Variants in SNRPA1 observed in about 807,000 individuals in gnomAD.
SNRPA1 encodes the protein U2 small nuclear ribonucleoprotein A'.
A neutral mutation model predicts 32.3 loss-of-function variants in SNRPA1; 5 were observed. That is an observed-to-expected ratio of 0.15 (90% confidence interval 0.08 to 0.33). The LOEUF (loss-of-function observed/expected upper bound fraction) is 0.33. Ranked by LOEUF, SNRPA1 falls within the 10% of genes least tolerant of loss-of-function variation. The pLI, the probability that SNRPA1 is intolerant of heterozygous loss-of-function variation, is 1.00. For synonymous variants in SNRPA1, 111 were observed against 120.1 expected, an observed-to-expected ratio of 0.92 and a Z score of 0.50; for missense variants, 198 against 311.1, an observed-to-expected ratio of 0.64 and a Z score of 2.74.
chr15:101,285,638 G>T, intron 7 of SNRPA1, 88 bp downstream of exon 7: 1 of 872,834 alleles, frequency 1.1e-6, no homozygotes, highest in Non-Finnish European at 1.9e-6. Flanking sequence ...AATGAAATCT[G>T]CAATGTTCGG....
intron 3 of SNRPA1, chr15:101,289,813 C>T (rs1402598288): frequency 6.6e-6 from 1 of 151,378 alleles, no homozygotes; most frequent in Non-Finnish European, 1.5e-5. Flanking sequence ...ATGGCGCCCA[C>T]CTGTAATCCC....
intron 3 of SNRPA1, 50 bp downstream of exon 3, chr15:101,291,912 A>C: frequency 8.6e-7 from 1 of 1,162,548 alleles, no homozygotes; most frequent in South Asian, 1.3e-5. Context: ...GGAAGCACAT[A>C]GTACCTTTAA....
intron 3 of SNRPA1, among the ~76,000 whole-genome samples, chr15:101,291,702 T>C (rs1458397906): frequency 6.6e-6 from 1 of 152,142 alleles, no homozygotes; most frequent in Non-Finnish European, 1.5e-5. Context: ...AGGGCTACAA[T>C]AAAGAAGAAG....
intron 1 of SNRPA1, among the ~76,000 whole-genome samples, chr15:101,293,705 TTAAA>T (rs2039553921): frequency 6.6e-6 from 1 of 152,204 alleles, no homozygotes; most frequent in Non-Finnish European, 1.5e-5. Context: ...GATCAATGGT[TTAAA>T]TACAGTAATA....
chr15:101,287,050 G>T, intron 4 of SNRPA1, 40 bp from the exon 5 acceptor site: 1 of 1,077,540 alleles, frequency 9.3e-7, no homozygotes. Context: ...ACTTGTTCAT[G>T]GCACAGCACT....
At position 101,295,229 on chromosome 15, in the gene SNRPA1, A is replaced by C. The variant is rs1281949921; in HGVS notation, c.-51T>G. On this transcript the variant is annotated 5_prime_UTR_variant, in exon 1 of 9. Transcript: ENST00000254193. ...TGTGGAAAGCCCGTGGCCTCCCGCC[A>C]GCGAGACGTCCCAGCGTGCCCCGCG... 1 of 1,444,026 alleles carries C rather than the reference A, an allele frequency of 6.9e-7. No homozygotes were observed. Among genetic ancestry groups the C allele is most frequent in the Admixed American group, 2.4e-5 (1 of 41,532 alleles). 89.5% of individuals were successfully genotyped at this position (1,444,026 alleles called of 1,614,324 possible).
chr15:101,292,608 G>C (rs1158880718), intron 2 of SNRPA1, among the ~76,000 whole-genome samples: 1 of 148,888 alleles, frequency 6.7e-6, no homozygotes, highest in African/African-American at 2.5e-5. Flanking sequence ...AAAAAAAGCA[G>C]AGACGCTCAG....
intron 1 of SNRPA1, among the ~76,000 whole-genome samples, chr15:101,293,788 A>G (rs1441503391): frequency 6.6e-6 from 1 of 152,256 alleles, no homozygotes; most frequent in African/African-American, 2.4e-5. Flanking sequence ...ACTATAAGAA[A>G]AGAAATATTC....
At chr15:101,289,981 C>A (rs897896202) in intron 3 of SNRPA1, 2 of 133,302 alleles carry the variant, frequency 1.5e-5, no homozygotes, top group East Asian at 2.2e-4. Flanking sequence ...ATCTAAACTA[C>A]AAGAGGTACA....
chr15:101,282,773 C>G (rs1205952902), intron 8 of SNRPA1, among the ~76,000 whole-genome samples: 1 of 152,178 alleles, frequency 6.6e-6, no homozygotes, highest in African/African-American at 2.4e-5. Context: ...CTATTGAGTT[C>G]CCCAGAAAAG....
Position 101,293,064 on chromosome 15 carries a change from C to T in SNRPA1, c.191G>A (p.Arg64Lys), listed in dbSNP as rs778848364. The T allele has an allele frequency of 5.6e-6, 9 of 1,612,500 alleles. No individual in the cohort carries two copies. The South Asian group carries it at 7.7e-5, about 14-fold the overall frequency. Reference sequence around the variant, plus strand: ...GTTCACTAACAATGTTTTCAGTCTTCTCAACAAAGGAAAACCATCCAGTTT... The same window carrying T: ...GTTCACTAACAATGTTTTCAGTCTTTTCAACAAAGGAAAACCATCCAGTTT... ...IRKLDGFPLL[R>K]RLKTLLVNNN... is the part of the protein sequence containing the mutation. The change falls in exon 2 of 9, where the codon AGA becomes AAA. Residue 64 changes from arginine to lysine, a missense_variant. Physicochemically the swap from Arg to Lys is conservative, Grantham distance 26. Coordinates refer to ENST00000254193, the MANE Select transcript of SNRPA1 (RefSeq NM_003090.4).
rs2039461676 is a variant in SNRPA1, at chr15:101,286,968, C to T, written c.399G>A (p.Leu133=). The change falls in exon 5 of 9, where the codon TTG becomes TTA. Residue 133 remains leucine, a synonymous_variant. Coordinates refer to ENST00000254193, the MANE Select transcript of SNRPA1 (RefSeq NM_003090.4). ...NPVTNKKHYR[L]YVIYKVPQVR... ...CTTGCGGAACTTTATAAATCACATA[C>T]AATCTGTAATGCTTCTTATTGGTTA... 1 of 1,608,316 alleles carries T rather than the reference C, an allele frequency of 6.2e-7. No individual in the cohort carries two copies. Among genetic ancestry groups the T allele is most frequent in the South Asian group, 1.1e-5 (1 of 90,702 alleles).
intron 1 of SNRPA1, chr15:101,294,716 C>T: frequency 4.2e-6 from 1 of 237,050 alleles, no homozygotes; most frequent in Non-Finnish European, 8.1e-6. Flanking sequence ...TATCATCTGG[C>T]GGCAAGTATT....
intron 8 of SNRPA1, among the ~76,000 whole-genome samples, chr15:101,282,413 C>T (rs548858910): frequency 9.9e-5 from 15 of 152,268 alleles, no homozygotes; most frequent in South Asian, 6.2e-4. Flanking sequence ...TTTTGATTGA[C>T]GGGCATGAAG....
intron 3 of SNRPA1, among the ~76,000 whole-genome samples, chr15:101,290,574 A>AT (rs58641401): frequency 0.039 from 5,553 of 142,382 alleles, 280 homozygotes; most frequent in African/African-American, 0.12. Context: ...AAGTTATACG[A>AT]TTTTTTTTTT....
intron 3 of SNRPA1, among the ~76,000 whole-genome samples, chr15:101,290,534 A>G (rs2039511426): frequency 6.6e-6 from 1 of 152,106 alleles, no homozygotes; most frequent in African/African-American, 2.4e-5. Context: ...CAATCAGGAA[A>G]ATACGGGAGG....
chr15:101,293,053 T>C lies in SNRPA1; in HGVS notation c.202A>G (p.Thr68Ala), dbSNP rs2039544894. 6 of 1,611,560 alleles carry C rather than the reference T, an allele frequency of 3.7e-6. No homozygotes were observed. The highest frequency in any genetic ancestry group is 5.1e-6 in the Non-Finnish European group (6 of 1,179,076). The change falls in exon 2 of 9, where the codon ACA becomes GCA. Residue 68 changes from threonine to alanine, a missense_variant. Transcript: ENST00000254193. The stretch of plus-strand genomic sequence containing the variant: ...ATTCTGTTGTTGTTCACTAACAATG[T>C]TTTCAGTCTTCTCAACAAAGGAAAA... ...DGFPLLRRLKTLLVNNNRICR... is the reference protein window; with the variant it reads ...DGFPLLRRLKALLVNNNRICR...
chr15:101,294,466 G>A (rs1027642119), intron 1 of SNRPA1, among the ~76,000 whole-genome samples: 1 of 152,190 alleles, frequency 6.6e-6, no homozygotes, highest in African/African-American at 2.4e-5. Context: ...GTCTTGCTAA[G>A]GTTGAAATAG....
At chr15:101,295,028 C>A in intron 1 of SNRPA1, 69 bp downstream of exon 1, 2 of 1,074,032 alleles carry the variant, frequency 1.9e-6, no homozygotes, top group Non-Finnish European at 2.5e-6. Flanking sequence ...TCGGTGCACG[C>A]GGCAAAGCGC....
Sources: allele counts gnomAD v4.1 joint callset (sites outside exome capture counted in the v4.1 genomes callset), GRCh38; gene constraint gnomAD v4.1.1; transcripts MANE v1.5; gene names NCBI Gene and HGNC (gene_info 2026-07-23, HGNC 2026-07-21).